The following CACNB2 variants were observed in gnomAD, a reference collection of about 807,000 sequenced individuals.
The protein encoded by CACNB2 is voltage-dependent L-type calcium channel subunit beta-2.
A neutral mutation model predicts 73.3 loss-of-function variants in CACNB2; 42 were observed. The ratio of observed to expected loss-of-function variants is 0.57; its 90% CI spans 0.45 to 0.74. The LOEUF is 0.74. CACNB2 is among the 30% of genes least tolerant of loss of function. The probability of loss-of-function intolerance (pLI) is 0.00; values close to 1 mark genes in which losing one functional copy is unlikely to be tolerated. For missense variants in CACNB2, 940 were observed against 853.0 expected, an observed-to-expected ratio of 1.10 and a Z score of -1.27; for synonymous variants, 348 against 310.3, an observed-to-expected ratio of 1.12 and a Z score of -1.28.
At chr10:18,498,048 C>T (rs749849543) in intron 3 of CACNB2, among the ~76,000 whole-genome samples, 1 of 152,144 alleles carries the variant, frequency 6.6e-6, no homozygotes, top group Non-Finnish European at 1.5e-5. Context: ...TCCTGATTTA[C>T]AGTTGCTACA....
intron 2 of CACNB2, chr10:18,256,743 C>T (rs1588862386): frequency 6.6e-6 from 1 of 152,362 alleles, no homozygotes; most frequent in East Asian, 1.9e-4. Context: ...GAGTTCAAGA[C>T]CAGCCTGGGA....
At chr10:18,420,390 A>G (rs1372886327) in intron 3 of CACNB2, among the ~76,000 whole-genome samples, 1 of 152,006 alleles carries the variant, frequency 6.6e-6, no homozygotes, top group Non-Finnish European at 1.5e-5. Context: ...GGTGCACATG[A>G]TTATGGAAGC....
chr10:18,498,504 C>G (rs2049976122), intron 4 of CACNB2, 27 bp downstream of exon 4: 2 of 1,611,748 alleles, frequency 1.2e-6, no homozygotes, highest in Non-Finnish European at 8.5e-7. Context: ...CATTTTCTAA[C>G]AGCATGATGT....
At chr10:18,382,620 A>G (rs1299455840) in intron 2 of CACNB2, among the ~76,000 whole-genome samples, 1 of 152,114 alleles carries the variant, frequency 6.6e-6, no homozygotes, top group Non-Finnish European at 1.5e-5. Context: ...GCTCCCAATT[A>G]TAAGTGAGAA....
chr10:18,189,729 G>T (rs1321945240), intron 2 of CACNB2, among the ~76,000 whole-genome samples: 1 of 152,104 alleles, frequency 6.6e-6, no homozygotes, highest in Non-Finnish European at 1.5e-5. Flanking sequence ...GAATTTTTCA[G>T]CATTAACAGT....
chr10:18,446,761 CAG>C (rs1168705599), intron 3 of CACNB2, among the ~76,000 whole-genome samples: 4 of 152,104 alleles, frequency 2.6e-5, no homozygotes, highest in Non-Finnish European at 5.9e-5. Flanking sequence ...TATTTGTCCA[CAG>C]AAACTCTTTT....
chr10:18,498,744 C>CT (rs2049992080), intron 4 of CACNB2: 4 of 425,142 alleles, frequency 9.4e-6, no homozygotes, highest in African/African-American at 4.0e-5. Context: ...GTAGATGATC[C>CT]TTTTTTATGC....
chr10:18,502,950 G>A (rs990382480), intron 5 of CACNB2, among the ~76,000 whole-genome samples: 7 of 151,576 alleles, frequency 4.6e-5, no homozygotes, highest in African/African-American at 7.3e-5. Context: ...CATGTACCCC[G>A]AAACTAAAAG....
chr10:18,401,843 C>A, intron 2 of CACNB2, 81 bp from the exon 3 acceptor site: 1 of 1,381,348 alleles, frequency 7.2e-7, no homozygotes, highest in Non-Finnish European at 1.0e-6. Flanking sequence ...ATCCGGGAAG[C>A]TAACTGCTGT....
chr10:18,464,418 T>TTAAAA (rs1360690647), intron 3 of CACNB2, among the ~76,000 whole-genome samples: 24 of 85,296 alleles, frequency 2.8e-4, no homozygotes, highest in South Asian at 5.3e-4. Context: ...TCTCAAAAAT[T>TTAAAA]AAAAAAAAAA....
intron 2 of CACNB2, among the ~76,000 whole-genome samples, chr10:18,211,982 T>G (rs190939694): frequency 2.8e-4 from 42 of 152,304 alleles, no homozygotes; most frequent in African/African-American, 8.7e-4. Flanking sequence ...TTCTGAATTA[T>G]GACATATGTA....
At chr10:18,333,881 G>A (rs1051749391) in intron 2 of CACNB2, among the ~76,000 whole-genome samples, 4 of 151,160 alleles carry the variant, frequency 2.6e-5, no homozygotes, top group East Asian at 3.9e-4. Context: ...TTTTTTTGTC[G>A]TCTCCTGGCA....
chr10:18,220,708 C>A (rs1220352321), intron 2 of CACNB2, among the ~76,000 whole-genome samples: 4 of 152,142 alleles, frequency 2.6e-5, no homozygotes, highest in Non-Finnish European at 5.9e-5. Context: ...AGCTCCACCT[C>A]CTGTTAGATC....
intron 2 of CACNB2, among the ~76,000 whole-genome samples, chr10:18,172,724 G>A (rs916078048): frequency 2.6e-5 from 4 of 152,058 alleles, no homozygotes; most frequent in African/African-American, 7.2e-5. Context: ...AGTGGATGGT[G>A]TAGCTAATGG....
intron 2 of CACNB2, among the ~76,000 whole-genome samples, chr10:18,249,034 C>T (rs1426840442): frequency 6.6e-6 from 1 of 152,216 alleles, no homozygotes; most frequent in Non-Finnish European, 1.5e-5. Context: ...CACTCACCTA[C>T]TCCTGAGAGG....
At chr10:18,320,900 A>G (rs2040375532) in intron 2 of CACNB2, among the ~76,000 whole-genome samples, 2 of 152,220 alleles carry the variant, frequency 1.3e-5, no homozygotes, top group South Asian at 4.1e-4. Context: ...TATCCAAGAA[A>G]CCAAGGATTT....
At chr10:18,297,169 C>T (rs2039313870) in intron 2 of CACNB2, among the ~76,000 whole-genome samples, 1 of 152,216 alleles carries the variant, frequency 6.6e-6, no homozygotes, top group Admixed American at 6.5e-5. Context: ...CTTCCCTTCT[C>T]CATTCCATTC....
chr10:18,341,504 CTGTT>C (rs1036890257), intron 2 of CACNB2, among the ~76,000 whole-genome samples: 21 of 152,138 alleles, frequency 1.4e-4, no homozygotes, highest in African/African-American at 2.4e-4. Context: ...CGAGGACTGA[CTGTT>C]TGGGTCTTCG....
chr10:18,170,823 A>G (rs934330857), intron 2 of CACNB2, among the ~76,000 whole-genome samples: 2 of 152,224 alleles, frequency 1.3e-5, no homozygotes, highest in Non-Finnish European at 2.9e-5. Context: ...GTCACATTTT[A>G]CCACAATACT....
Sources: allele counts gnomAD v4.1 joint callset (sites outside exome capture counted in the v4.1 genomes callset), GRCh38; gene constraint gnomAD v4.1.1; transcripts MANE v1.5; gene names NCBI Gene and HGNC (gene_info 2026-07-23, HGNC 2026-07-21).